The following GRM4 variants were observed in gnomAD, a reference collection of about 807,000 sequenced individuals.
GRM4 encodes the protein glutamate metabotropic receptor 4, also known as metabotropic glutamate receptor 4.
A neutral mutation model predicts 81.7 loss-of-function variants in GRM4; 28 were observed. The observed-to-expected ratio is 0.34, with a 90% CI of 0.25 to 0.47. The LOEUF is 0.47. GRM4 is among the 20% of genes least tolerant of loss of function. GRM4 has a pLI of 1.00. For missense variants in GRM4, 948 were observed against 1,290.0 expected, an observed-to-expected ratio of 0.73 and a Z score of 4.06; for synonymous variants, 488 against 528.8, an observed-to-expected ratio of 0.92 and a Z score of 1.06.
chr6:34,033,656 T>A (rs773787833), intron 9 of GRM4, among the ~76,000 whole-genome samples: 4 of 151,994 alleles, frequency 2.6e-5, no homozygotes, highest in Non-Finnish European at 5.9e-5. Context: ...CAGCTCGCTC[T>A]TTCTTTCTCT....
intron 2 of GRM4, among the ~76,000 whole-genome samples, chr6:34,132,088 T>C (rs1337681886): frequency 6.6e-6 from 1 of 152,172 alleles, no homozygotes; most frequent in Non-Finnish European, 1.5e-5. Flanking sequence ...CTTTCAGTTG[T>C]TTTAGCAGCT....
chr6:34,060,240 C>CA (rs920289964), intron 4 of GRM4: 5 of 147,230 alleles, frequency 3.4e-5, no homozygotes, highest in African/African-American at 1.4e-4. Flanking sequence ...ACTGGTGTAG[C>CA]CCCCCCGCAC....
Position 34,084,325 on chromosome 6 carries a change from G to A in GRM4, c.736+7558C>T, listed in dbSNP as rs78162388. ...GAGGGCAGGGGGCACAGAGCTAGGT[G>A]GGGTCCTGTCCCTCCCTGGCCTCAG... On this transcript the variant is annotated intron_variant, in intron 3 of 10. Coordinates refer to ENST00000538487, the MANE Select transcript of GRM4 (RefSeq NM_000841.4). Among the ~76,000 whole-genome samples, 801 of 152,262 alleles carry A rather than the reference G, an allele frequency of 5.3e-3. 3 individuals carry two copies. Among genetic ancestry groups the A allele is most frequent in the Middle Eastern group, 0.02 (6 of 294 alleles).
rs1418951176 is a variant in GRM4 at position 34,092,332 on chromosome 6, T to TACACCACACACAC, written c.520-246_520-234dup. Among the ~76,000 whole-genome samples the TACACCACACACAC allele has an allele frequency of 6.6e-6, 1 of 152,016 alleles. No homozygotes were observed. The highest frequency in any genetic ancestry group is 1.5e-5 in the Non-Finnish European group (1 of 67,968). ...ATACACACACAGGCACACACATACA[T>TACACCACACACAC]ACACCACACACACATACACCCTGGG... On this transcript the variant is annotated intron_variant, in intron 2 of 10. Coordinates refer to ENST00000538487, the MANE Select transcript of GRM4 (RefSeq NM_000841.4). The surrounding 1 kb of genome is among the most constrained non-coding windows in gnomAD (Gnocchi z 6.8).
intron 2 of GRM4, among the ~76,000 whole-genome samples, chr6:34,106,445 A>G (rs1310272232): frequency 7.0e-6 from 1 of 143,862 alleles, no homozygotes; most frequent in Non-Finnish European, 1.5e-5. Context: ...AAGAAAAAAC[A>G]GAGGCTCCCT....
At chr6:34,033,249 C>T (rs982137227) in intron 9 of GRM4, among the ~76,000 whole-genome samples, 2 of 152,208 alleles carry the variant, frequency 1.3e-5, no homozygotes, top group African/African-American at 4.8e-5. Flanking sequence ...GATCTTAGGA[C>T]ACTCACTGCC....
chr6:34,094,188 G>A (rs1768391529), intron 2 of GRM4, among the ~76,000 whole-genome samples: 1 of 152,186 alleles, frequency 6.6e-6, no homozygotes, highest in Non-Finnish European at 1.5e-5. Flanking sequence ...GAAAGGGGAG[G>A]TGCATACTTG....
At chr6:34,028,399 T>A in intron 9 of GRM4, 33 bp from the exon 10 acceptor site, 2 of 1,590,904 alleles carry the variant, frequency 1.3e-6, no homozygotes, top group Non-Finnish European at 1.7e-6. Flanking sequence ...CAGAGCAGGC[T>A]CTGCCCCGAC....
chr6:34,022,473 C>T lies in GRM4; in HGVS notation c.*348G>A, dbSNP rs1416472112. The T allele has an allele frequency of 1.2e-5, 4 of 325,790 alleles. No individual in the cohort carries two copies. The highest frequency in any genetic ancestry group is 2.3e-5 in the Non-Finnish European group (4 of 174,932). The allele number at this position is 325,790 out of a possible 1,614,324, so 20.2% of individuals were successfully genotyped here. The stretch of plus-strand genomic sequence containing the variant: ...ACAGAAAGACAGGGCTGGAGACAGA[C>T]AGAGGGGTCGCCAACAGCACAGACA... On this transcript the variant is annotated 3_prime_UTR_variant, in exon 11 of 11. Transcript: ENST00000538487. The surrounding 1 kb of genome is among the most constrained non-coding windows in gnomAD (Gnocchi z 5.6).
Position 34,131,227 on chromosome 6 carries a change from G to A in GRM4, c.519+1751C>T, listed in dbSNP as rs935531963. 1.1e-3 allele frequency among the ~76,000 whole-genome samples: 161 copies of A among 152,208 alleles called. 1 individual carries two copies. The highest frequency in any genetic ancestry group is 3.8e-3 in the African/African-American group (158 of 41,442). ...AGATGATCACAGCGACACAGCCCCC[G>A]GGGATTGTTCCAGCTGCCTACCGCG... On this transcript the variant is annotated intron_variant, in intron 2 of 10. Coordinates refer to ENST00000538487, the MANE Select transcript of GRM4 (RefSeq NM_000841.4).
At chr6:34,082,065 C>G (rs7753387) in intron 3 of GRM4, among the ~76,000 whole-genome samples, 1 of 30,006 alleles carries the variant, frequency 3.3e-5, no homozygotes. Context: ...TGGGAGCCTG[C>G]GGGACAGATC....
At chr6:34,155,195 G>T in exon 1 of GRM4, 2 of 1,535,682 alleles carry the variant, frequency 1.3e-6, no homozygotes, top group Non-Finnish European at 1.7e-6. Context: ...TGCTCTCCTG[G>T]CAGGGAGGGG....
rs1182942914 is a variant in GRM4 at position 34,034,383 on chromosome 6, A to G, written c.2442+1285T>C. On this transcript the variant is annotated intron_variant, in intron 9 of 10. Coordinates refer to ENST00000538487, the MANE Select transcript of GRM4 (RefSeq NM_000841.4). The surrounding 1 kb of genome is among the most constrained non-coding windows in gnomAD (Gnocchi z 4.0). ...GACCAGCCAGTCTCCAGACAGGCCC[A>G]GACTCCCCCACTCCCCACTGCATCT... is the stretch of plus-strand genomic sequence containing the variant. Among the ~76,000 whole-genome samples, 1 of 152,138 alleles carries G rather than the reference A, an allele frequency of 6.6e-6. No homozygotes were observed. Among genetic ancestry groups the G allele is most frequent in the African/African-American group, 2.4e-5 (1 of 41,420 alleles).
chr6:34,139,950 G>A (rs1770612201), intron 1 of GRM4, among the ~76,000 whole-genome samples: 1 of 152,196 alleles, frequency 6.6e-6, no homozygotes. Context: ...GAGTGAAACA[G>A]GCACAGACGC....
chr6:34,104,675 C>T (rs1418545786), intron 2 of GRM4, among the ~76,000 whole-genome samples: 1 of 152,194 alleles, frequency 6.6e-6, no homozygotes, highest in Non-Finnish European at 1.5e-5. Context: ...ACCATCCCCG[C>T]ACCCAGGAAG....
chr6:34,077,135 T>C (rs181656019), intron 3 of GRM4, among the ~76,000 whole-genome samples: 27 of 152,228 alleles, frequency 1.8e-4, no homozygotes, highest in Non-Finnish European at 3.5e-4. Context: ...GACTAGACGC[T>C]CAAGTAATTG....
intron 6 of GRM4, among the ~76,000 whole-genome samples, chr6:34,046,769 C>A (rs894837414): frequency 6.6e-6 from 1 of 152,172 alleles, no homozygotes; most frequent in Non-Finnish European, 1.5e-5. Context: ...CATGTCTACA[C>A]CACACACCTA....
rs1764251064 is a variant in GRM4, at chr6:34,028,461, G to A, written c.2443-95C>T. On this transcript the variant is annotated intron_variant, in intron 9 of 10. Transcript: ENST00000538487. ...CACCCAGGGACCCACCCGGCATCCC[G>A]CTGCCTTCAGGCAGAAGGAAGTCGT... 1.9e-5 allele frequency: 26 copies of A among 1,354,558 alleles called. No homozygotes were observed. The South Asian group carries it at 2.0e-4, about 10-fold the overall frequency. 83.9% of individuals were successfully genotyped at this position (1,354,558 alleles called of 1,614,324 possible).
intron 3 of GRM4, among the ~76,000 whole-genome samples, chr6:34,081,919 G>A (rs376879296): frequency 1.3e-4 from 20 of 152,298 alleles, no homozygotes; most frequent in Admixed American, 4.6e-4. Context: ...AGGTGAAGAC[G>A]CTTTCCTGAA....
Sources: gnomAD v4.1 joint callset for allele counts (sites outside exome capture counted in the v4.1 genomes callset) on GRCh38, gnomAD v4.1.1 for gene constraint, Gnocchi (gnomAD v3.1) non-coding constraint, MANE v1.5 for transcripts, NCBI Gene and HGNC (gene_info 2026-07-23, HGNC 2026-07-21) for gene names.